EEFSEC: variants seen among roughly 807,000 people sequenced by gnomAD.
The protein encoded by EEFSEC is eukaryotic elongation factor, selenocysteine-tRNA specific.
In EEFSEC, 43 loss-of-function variants were observed where a neutral mutation model predicts 42.1. That is an observed-to-expected ratio of 1.02 (90% CI 0.80 to 1.32). The LOEUF is 1.32. Ranked by LOEUF, EEFSEC falls within the 40% of genes most tolerant of loss-of-function variation. The pLI is 0.00. For synonymous variants in EEFSEC, 354 were observed against 339.1 expected, an observed-to-expected ratio of 1.04 and a Z score of -0.48; for missense variants, 745 against 803.6, an observed-to-expected ratio of 0.93 and a Z score of 0.88.
intron 4 of EEFSEC, among the ~76,000 whole-genome samples, chr3:128,302,885 T>C (rs1317872244): frequency 1.3e-5 from 2 of 152,244 alleles, no homozygotes; most frequent in African/African-American, 4.8e-5. Flanking sequence ...TATATTTACA[T>C]CTGTCTCACT....
At chr3:128,290,508 A>G (rs1388787147) in intron 4 of EEFSEC, among the ~76,000 whole-genome samples, 1 of 151,166 alleles carries the variant, frequency 6.6e-6, no homozygotes, top group African/African-American at 2.4e-5. Flanking sequence ...GAATCTTTCA[A>G]CTTTGTTCTT....
chr3:128,412,943 C>G (rs542513479), downstream of EEFSEC, among the ~76,000 whole-genome samples: 123 of 152,252 alleles, frequency 8.1e-4, no homozygotes, highest in African/African-American at 2.7e-3. Context: ...AGGCTGTCTG[C>G]TGGGTGTGGG....
chr3:128,379,614 G>A (rs564347014), intron 6 of EEFSEC, among the ~76,000 whole-genome samples: 5 of 152,306 alleles, frequency 3.3e-5, no homozygotes, highest in Non-Finnish European at 4.4e-5. Flanking sequence ...GCGGTGCCAG[G>A]GCCTTCACTG....
chr3:128,238,634 G>A (rs1413556876), intron 1 of EEFSEC, among the ~76,000 whole-genome samples: 1 of 152,144 alleles, frequency 6.6e-6, no homozygotes, highest in African/African-American at 2.4e-5. Context: ...CAGCCTCCAT[G>A]CATACCACCA....
chr3:128,374,296 C>T (rs1265805737), intron 6 of EEFSEC, among the ~76,000 whole-genome samples: 3 of 152,334 alleles, frequency 2.0e-5, no homozygotes, highest in South Asian at 4.1e-4. Context: ...GTTTTCCCCT[C>T]GCCTCCAAGG....
the EEFSEC span, among the ~76,000 whole-genome samples, chr3:128,421,103 C>T: frequency 6.6e-6 from 1 of 152,150 alleles, no homozygotes; most frequent in Admixed American, 6.5e-5. Flanking sequence ...GCATTTCTAG[C>T]CACCCACCTT....
chr3:128,406,026 A>G (rs1235984045), intron 6 of EEFSEC, among the ~76,000 whole-genome samples: 1 of 152,192 alleles, frequency 6.6e-6, no homozygotes, highest in Non-Finnish European at 1.5e-5. Flanking sequence ...CCACTCTCAC[A>G]GTGTCCCCAT....
At chr3:128,381,421 C>T in intron 6 of EEFSEC, among the ~76,000 whole-genome samples, 1 of 152,224 alleles carries the variant, frequency 6.6e-6, no homozygotes, top group East Asian at 1.9e-4. Context: ...GATTTGGAAA[C>T]TGGCTTTGGG....
At chr3:128,302,414 G>A (rs1032492695) in intron 4 of EEFSEC, among the ~76,000 whole-genome samples, 7 of 152,114 alleles carry the variant, frequency 4.6e-5, no homozygotes, top group African/African-American at 1.7e-4. Flanking sequence ...GGTAGGAGAG[G>A]TTGATCCTGC....
At chr3:128,425,960 T>C in the EEFSEC span, among the ~76,000 whole-genome samples, 2 of 152,052 alleles carry the variant, frequency 1.3e-5, no homozygotes, top group African/African-American at 2.4e-5. Flanking sequence ...CCGAGGTAGG[T>C]GAATCGTGTT....
chr3:128,424,548 A>T, the EEFSEC span, among the ~76,000 whole-genome samples: 2 of 149,960 alleles, frequency 1.3e-5, no homozygotes, highest in Non-Finnish European at 3.0e-5. Context: ...CATACTGCCT[A>T]TTTTTTTTTC....
chr3:128,229,649 A>T (rs1049115596), intron 1 of EEFSEC, among the ~76,000 whole-genome samples: 4 of 152,272 alleles, frequency 2.6e-5, no homozygotes, highest in African/African-American at 9.6e-5. Flanking sequence ...GCTACAGGCC[A>T]GTCTTGGCCC....
chr3:128,260,966 C>CA (rs63448265), intron 2 of EEFSEC, among the ~76,000 whole-genome samples: 3,130 of 34,680 alleles, frequency 0.09, 78 homozygotes, highest in African/African-American at 0.19. Flanking sequence ...ACAGCCAAGG[C>CA]AAAAAAAAAA....
intron 6 of EEFSEC, among the ~76,000 whole-genome samples, chr3:128,394,756 G>A (rs2067961472): frequency 6.6e-6 from 1 of 152,134 alleles, no homozygotes; most frequent in African/African-American, 2.4e-5. Flanking sequence ...CCTGCAGGAG[G>A]GGCCCATCCT....
At chr3:128,173,036 GCATTTA>G (rs2065314656) in intron 1 of EEFSEC, among the ~76,000 whole-genome samples, 1 of 152,182 alleles carries the variant, frequency 6.6e-6, no homozygotes, top group South Asian at 2.1e-4. Context: ...TTGATCAGTG[GCATTTA>G]ATGCAAAATT....
At chr3:128,200,063 C>G (rs145791591) in intron 1 of EEFSEC, among the ~76,000 whole-genome samples, 1 of 151,616 alleles carries the variant, frequency 6.6e-6, no homozygotes, top group African/African-American at 2.4e-5. Flanking sequence ...GAGTTACCAC[C>G]GAGGAAAAGT....
At chr3:128,234,383 A>C (rs139816309) in intron 1 of EEFSEC, among the ~76,000 whole-genome samples, 34 of 152,176 alleles carry the variant, frequency 2.2e-4, no homozygotes, top group African/African-American at 7.9e-4. Context: ...TTTTTATTTC[A>C]AAGTCATTTC....
At chr3:128,398,390 G>A (rs1226847035) in intron 6 of EEFSEC, among the ~76,000 whole-genome samples, 3 of 152,202 alleles carry the variant, frequency 2.0e-5, no homozygotes, top group Admixed American at 1.3e-4. Context: ...GGAATGTGTG[G>A]TAAGGATGTG....
At chr3:128,256,630 A>G (rs543931464) in intron 2 of EEFSEC, among the ~76,000 whole-genome samples, 1 of 152,154 alleles carries the variant, frequency 6.6e-6, no homozygotes, top group African/African-American at 2.4e-5. Context: ...GCTTTTGAAG[A>G]ATGTTTGGTT....
Sources: gnomAD v4.1 joint callset for allele counts (sites outside exome capture counted in the v4.1 genomes callset) on GRCh38, gnomAD v4.1.1 for gene constraint, MANE v1.5 for transcripts, NCBI Gene and HGNC (gene_info 2026-07-23, HGNC 2026-07-21) for gene names.